DPP6: variants seen among roughly 807,000 people sequenced by gnomAD.
DPP6 encodes the protein dipeptidyl peptidase like 6.
A neutral mutation model predicts 122.6 loss-of-function variants in DPP6; 69 were observed. The ratio of observed to expected loss-of-function variants is 0.56; its 90% CI spans 0.46 to 0.69. DPP6 has a LOEUF of 0.69. Ranked by LOEUF, DPP6 falls within the 30% of genes least tolerant of loss-of-function variation. The probability of loss-of-function intolerance (pLI) is 0.00; values close to 1 mark genes in which losing one functional copy is unlikely to be tolerated. For synonymous variants in DPP6, 418 were observed against 433.1 expected, an observed-to-expected ratio of 0.97 and a Z score of 0.43; for missense variants, 928 against 1,116.9, an observed-to-expected ratio of 0.83 and a Z score of 2.41.
At chr7:154,376,366 T>C (rs1228009727) in intron 1 of DPP6, among the ~76,000 whole-genome samples, 2 of 152,222 alleles carry the variant, frequency 1.3e-5, no homozygotes, top group African/African-American at 2.4e-5. Context: ...AGCAAAGAAA[T>C]ATCAGACTCC....
At chr7:153,916,404 C>G (rs1237811471) in intron 1 of DPP6, among the ~76,000 whole-genome samples, 1 of 139,724 alleles carries the variant, frequency 7.2e-6, no homozygotes, top group Non-Finnish European at 1.6e-5. Flanking sequence ...CTCTCCTCCC[C>G]TCCTCTCTCC....
intron 5 of DPP6, among the ~76,000 whole-genome samples, chr7:154,611,878 T>TGG (rs1563008806): frequency 6.6e-6 from 1 of 150,722 alleles, no homozygotes; most frequent in Non-Finnish European, 1.5e-5. Context: ...TGTGTGTGTG[T>TGG]GGTGTATGGG....
the DPP6 span, among the ~76,000 whole-genome samples, chr7:153,864,745 G>A: frequency 0.17 from 26,023 of 149,254 alleles, 2,249 homozygotes; most frequent in Middle Eastern, 0.23. Context: ...CTTTTAACAG[G>A]GAAAATATAA....
At chr7:154,661,688 A>G (rs1837670652) in intron 6 of DPP6, among the ~76,000 whole-genome samples, 1 of 145,242 alleles carries the variant, frequency 6.9e-6, no homozygotes, top group Non-Finnish European at 1.5e-5. Context: ...GCTAGTATTC[A>G]TATAGTCATG....
At chr7:153,844,138 C>G in the DPP6 span, among the ~76,000 whole-genome samples, 1 of 152,108 alleles carries the variant, frequency 6.6e-6, no homozygotes, top group Admixed American at 6.5e-5. Flanking sequence ...GCACATCACC[C>G]GCTGTTGGCT....
intron 1 of DPP6, among the ~76,000 whole-genome samples, chr7:154,011,113 C>G (rs1410260784): frequency 6.6e-6 from 1 of 152,126 alleles, no homozygotes; most frequent in Non-Finnish European, 1.5e-5. Flanking sequence ...ATCATCTGCC[C>G]TGGGCCACAA....
chr7:154,064,231 G>T (rs1431928558), intron 1 of DPP6, among the ~76,000 whole-genome samples: 1 of 152,282 alleles, frequency 6.6e-6, no homozygotes, highest in South Asian at 2.1e-4. Context: ...GGTCTTGATT[G>T]TTGGGGCCCT....
intron 1 of DPP6, among the ~76,000 whole-genome samples, chr7:153,888,734 G>A (rs1382622276): frequency 1.7e-5 from 2 of 114,356 alleles, no homozygotes; most frequent in Non-Finnish European, 3.4e-5. Flanking sequence ...TTTTTTTGGC[G>A]ACAGACAAGG....
At chr7:153,922,922 A>G (rs1377011955) in intron 1 of DPP6, among the ~76,000 whole-genome samples, 3 of 152,262 alleles carry the variant, frequency 2.0e-5, no homozygotes, top group African/African-American at 7.2e-5. Flanking sequence ...AGAAAAGGCA[A>G]CGCAGACACC....
rs78332837 is a variant in DPP6 at position 154,196,766 on chromosome 7, C to T, written c.243+143703C>T. ...CTCAGAAAGCTGCAGGGAGCCTTCA[C>T]CCTTTCAGGACCGAGGCCAAGCTCC... On this transcript the variant is annotated intron_variant, in intron 1 of 25. Coordinates refer to ENST00000377770, the MANE Select transcript of DPP6 (RefSeq NM_130797.4). Among the ~76,000 whole-genome samples the T allele has an allele frequency of 2.3e-3, 347 of 152,272 alleles. 5 individuals carry two copies. The highest frequency in any genetic ancestry group is 8.0e-3 in the African/African-American group (332 of 41,580).
chr7:154,449,733 C>T (rs1193792815), intron 2 of DPP6, among the ~76,000 whole-genome samples: 1 of 151,894 alleles, frequency 6.6e-6, no homozygotes, highest in African/African-American at 2.4e-5. Flanking sequence ...TGTGGCGGGG[C>T]GCGGTGGCTC....
chr7:154,133,952 C>A (rs1458240048), intron 1 of DPP6, among the ~76,000 whole-genome samples: 2 of 151,592 alleles, frequency 1.3e-5, no homozygotes, highest in African/African-American at 2.4e-5. Flanking sequence ...AGCAGCCTGC[C>A]AATGTGATGG....
At chr7:154,490,205 A>C (rs1348774937) in intron 3 of DPP6, among the ~76,000 whole-genome samples, 2 of 152,228 alleles carry the variant, frequency 1.3e-5, no homozygotes, top group Admixed American at 1.3e-4. Flanking sequence ...TGTTCACTAA[A>C]TACAACGGTA....
At position 154,886,029 on chromosome 7, in the gene DPP6, G is replaced by A. The variant is rs79782991; in HGVS notation, c.2245+285G>A. 0.033 allele frequency among the ~76,000 whole-genome samples: 5,006 copies of A among 152,350 alleles called. 135 individuals are homozygous for A. Among genetic ancestry groups the A allele is most frequent in the East Asian group, 0.061 (315 of 5,174 alleles). The stretch of plus-strand genomic sequence containing the variant: ...GCTAGTACTCCGCTGGCAGCAGTGG[G>A]GGCGAGGAAGCCAGGGTGCGCAGGA... On this transcript the variant is annotated intron_variant, in intron 22 of 25. Transcript: ENST00000377770.
chr7:154,636,854 G>A (rs965060671), intron 5 of DPP6, among the ~76,000 whole-genome samples: 7 of 152,164 alleles, frequency 4.6e-5, no homozygotes, highest in Admixed American at 6.5e-5. Context: ...GTCTGCCTTT[G>A]CCTCCACGTC....
chr7:153,963,006 A>C (rs1233587403), intron 1 of DPP6, among the ~76,000 whole-genome samples: 1 of 152,166 alleles, frequency 6.6e-6, no homozygotes, highest in African/African-American at 2.4e-5. Flanking sequence ...ACGAAGACTA[A>C]ATTAACTGTT....
chr7:154,397,883 C>G (rs1815225933), intron 1 of DPP6, among the ~76,000 whole-genome samples: 1 of 152,218 alleles, frequency 6.6e-6, no homozygotes. Flanking sequence ...CTTTCCCCTT[C>G]TAGATCTCCA....
chr7:153,939,655 A>G (rs376822312), intron 1 of DPP6, among the ~76,000 whole-genome samples: 4 of 152,346 alleles, frequency 2.6e-5, no homozygotes, highest in South Asian at 4.1e-4. Context: ...GTCTTGTGCT[A>G]GATTTAAGAA....
At chr7:154,151,645 G>A (rs1199170719) in intron 1 of DPP6, among the ~76,000 whole-genome samples, 1 of 152,160 alleles carries the variant, frequency 6.6e-6, no homozygotes, top group Non-Finnish European at 1.5e-5. Context: ...CCCTCCCTCA[G>A]GGACCAGCTG....
Sources: gnomAD v4.1 joint callset for allele counts (sites outside exome capture counted in the v4.1 genomes callset) on GRCh38, gnomAD v4.1.1 for gene constraint, MANE v1.5 for transcripts, NCBI Gene and HGNC (gene_info 2026-07-23, HGNC 2026-07-21) for gene names.